ACOT7: variants seen among roughly 807,000 people sequenced by gnomAD.
ACOT7 encodes the protein cytosolic acyl coenzyme A thioester hydrolase.
ACOT7 carries 12 observed loss-of-function variants against 40.2 expected under a neutral mutation model. That is an observed-to-expected ratio of 0.30 (90% CI 0.19 to 0.48). The LOEUF (loss-of-function observed/expected upper bound fraction) is 0.48. ACOT7 is among the 20% of genes least tolerant of loss of function. The pLI is 0.99. For synonymous variants in ACOT7, 228 were observed against 219.5 expected, an observed-to-expected ratio of 1.04 and a Z score of -0.34; for missense variants, 395 against 530.8, an observed-to-expected ratio of 0.74 and a Z score of 2.51.
At chr1:6,298,053 C>G (rs1350236562) in intron 6 of ACOT7, among the ~76,000 whole-genome samples, 1 of 152,172 alleles carries the variant, frequency 6.6e-6, no homozygotes, top group African/African-American at 2.4e-5. Context: ...GCCAGGTTCA[C>G]GCTCGCTGCA....
chr1:6,322,047 A>AGCAGGCATCCCCTCCCTTGG (rs1640660022), intron 5 of ACOT7, among the ~76,000 whole-genome samples: 1 of 152,122 alleles, frequency 6.6e-6, no homozygotes. Flanking sequence ...CAGGTGGGAG[A>AGCAGGCATCCCCTCCCTTGG]GCAGGCATCC....
intron 5 of ACOT7, among the ~76,000 whole-genome samples, chr1:6,325,835 C>A (rs927988764): frequency 6.6e-6 from 1 of 152,152 alleles, no homozygotes; most frequent in Non-Finnish European, 1.5e-5. Context: ...GGGAGGTGAG[C>A]GGCCATAACA....
At position 6,371,026 on chromosome 1, in the gene ACOT7, G is replaced by C. The variant is rs555843868; in HGVS notation, c.144-21160C>G. Among the ~76,000 whole-genome samples the C allele has an allele frequency of 8.6e-5, 13 of 151,906 alleles. 1 individual carries two copies. Among genetic ancestry groups the C allele is most frequent in the Admixed American group, 8.5e-4 (13 of 15,250 alleles). ...GGGTTTCGCCATCTTGGCCAGGCTGGTCTTGAACTCCTGACCTCGTGATCC... is the reference window on the plus strand; with the variant it reads ...GGGTTTCGCCATCTTGGCCAGGCTGCTCTTGAACTCCTGACCTCGTGATCC... On this transcript the variant is annotated intron_variant, in intron 1 of 8. Coordinates refer to ENST00000361521, the MANE Select transcript of ACOT7 (RefSeq NM_007274.4).
chr1:6,295,169 A>T (rs2148396027), intron 6 of ACOT7, 189 bp from the exon 7 acceptor site: 266 of 390,550 alleles, frequency 6.8e-4, no homozygotes, highest in East Asian at 1.1e-3. Context: ...TCCTCAGGAG[A>T]TTTTGAAAAA....
At chr1:6,374,809 G>C (rs570774834) in intron 1 of ACOT7, among the ~76,000 whole-genome samples, 1 of 152,198 alleles carries the variant, frequency 6.6e-6, no homozygotes, top group Non-Finnish European at 1.5e-5. Context: ...GCATCAGTGA[G>C]CCCCTAGGTC....
At chr1:6,269,395 C>T (rs1638955612) in intron 8 of ACOT7, among the ~76,000 whole-genome samples, 1 of 152,212 alleles carries the variant, frequency 6.6e-6, no homozygotes. Context: ...GCTTGGCCTC[C>T]CCCAGGCGGG....
intron 5 of ACOT7, among the ~76,000 whole-genome samples, chr1:6,321,383 T>TC (rs1329293323): frequency 6.6e-6 from 1 of 152,192 alleles, no homozygotes; most frequent in Non-Finnish European, 1.5e-5. Context: ...CAACGTTCTT[T>TC]CCAAGTGTCA....
At chr1:6,331,113 C>A (rs139615292) in intron 4 of ACOT7, among the ~76,000 whole-genome samples, 221 of 152,314 alleles carry the variant, frequency 1.5e-3, no homozygotes, top group African/African-American at 5.0e-3. Context: ...ATGACCACAA[C>A]TTCCATCTCA....
intron 4 of ACOT7, among the ~76,000 whole-genome samples, chr1:6,328,852 G>A (rs577629992): frequency 1.2e-4 from 18 of 150,456 alleles, no homozygotes; most frequent in African/African-American, 4.4e-4. Context: ...TGGGACCCTC[G>A]GAGGGGCCCT....
chr1:6,386,183 C>T (rs1571358472), intron 1 of ACOT7, among the ~76,000 whole-genome samples: 1 of 152,220 alleles, frequency 6.6e-6, no homozygotes, highest in Admixed American at 6.5e-5. Context: ...CCGCACAACA[C>T]GGCAGGTGCC....
chr1:6,301,976 A>G lies in ACOT7; in HGVS notation c.713-6996T>C, dbSNP rs1639986095. On this transcript the variant is annotated intron_variant, in intron 6 of 8. Coordinates refer to ENST00000361521, the MANE Select transcript of ACOT7 (RefSeq NM_007274.4). This position sits in a 1 kb window ranked among gnomAD's most constrained non-coding sequence, Gnocchi z 4.1. ...TGCTATGAAACAACAACTTTATACT[A>G]ACGATGGAAAAGGCCAAGACTGGTG... is the stretch of plus-strand genomic sequence containing the variant. Among the ~76,000 whole-genome samples the G allele has an allele frequency of 6.6e-6, 1 of 152,160 alleles. No homozygotes were observed. The highest frequency in any genetic ancestry group is 1.5e-5 in the Non-Finnish European group (1 of 68,010).
chr1:6,390,125 C>T (rs538533779), intron 1 of ACOT7, among the ~76,000 whole-genome samples: 1 of 152,198 alleles, frequency 6.6e-6, no homozygotes, highest in African/African-American at 2.4e-5. Flanking sequence ...GATGGAACCA[C>T]AGCCTTCTCT....
At chr1:6,379,978 A>T (rs116072428) in intron 1 of ACOT7, among the ~76,000 whole-genome samples, 1,718 of 151,952 alleles carry the variant, frequency 0.011, 35 homozygotes, top group African/African-American at 0.039. Context: ...AGGCAGGGGA[A>T]TCACTTGAAC....
chr1:6,328,688 T>A (rs1228460628), intron 4 of ACOT7, among the ~76,000 whole-genome samples: 11 of 151,976 alleles, frequency 7.2e-5, no homozygotes, highest in South Asian at 2.1e-4. Flanking sequence ...TCTAAAAAAA[T>A]AAATAAATAA....
Position 6,355,839 on chromosome 1 carries a change from G to C in ACOT7, c.144-5973C>G, listed in dbSNP as rs1037696621. 8.5e-5 allele frequency among the ~76,000 whole-genome samples: 13 copies of C among 152,130 alleles called. No individual in the cohort carries two copies. Among genetic ancestry groups the C allele is most frequent in the African/African-American group, 3.1e-4 (13 of 41,418 alleles). On this transcript the variant is annotated intron_variant, in intron 1 of 8. Coordinates refer to ENST00000361521, the MANE Select transcript of ACOT7 (RefSeq NM_007274.4). The surrounding 1 kb of genome is among the most constrained non-coding windows in gnomAD (Gnocchi z 5.0). ...ACAGCCCGAGCCTGTTCCGCAGCGG[G>C]AGTGAGGCGCCTGGAACAATTGAGG... is the stretch of plus-strand genomic sequence containing the variant.
chr1:6,332,004 G>A (rs1052886451), intron 4 of ACOT7, among the ~76,000 whole-genome samples: 5 of 152,204 alleles, frequency 3.3e-5, no homozygotes, highest in African/African-American at 1.2e-4. Flanking sequence ...GGAAGATGGA[G>A]AGCCAGGCCT....
chr1:6,287,454 A>G (rs1639535872), intron 7 of ACOT7, among the ~76,000 whole-genome samples: 1 of 152,268 alleles, frequency 6.6e-6, no homozygotes, highest in South Asian at 2.1e-4. Flanking sequence ...TCCCTGTCTC[A>G]CTGGGCTGTG....
At position 6,282,635 on chromosome 1, in the gene ACOT7, G is replaced by C. The variant is rs1035966298; in HGVS notation, c.830-1349C>G. 1.4e-5 allele frequency: 15 copies of C among 1,076,534 alleles called. No homozygotes were observed. In the African/African-American group the frequency reaches 2.3e-4, roughly 16 times the overall value. The allele number at this position is 1,076,534 out of a possible 1,614,324, so 66.7% of individuals were successfully genotyped here. On this transcript the variant is annotated intron_variant, in intron 7 of 8. Transcript: ENST00000361521. The surrounding 1 kb of genome is among the most constrained non-coding windows in gnomAD (Gnocchi z 4.5). ...GAAAGCGGCCAGGTGGTGGCTGTTG[G>C]AGGGCGGTTAGCAGGCCAGAGGCAA...
chr1:6,376,727 C>CAAAAA (rs74829338), intron 1 of ACOT7, among the ~76,000 whole-genome samples: 1 of 94,666 alleles, frequency 1.1e-5, no homozygotes, highest in South Asian at 3.4e-4. Flanking sequence ...AACTCCATCC[C>CAAAAA]AAAAAAAAAA....
Sources: gnomAD v4.1 joint callset for allele counts (sites outside exome capture counted in the v4.1 genomes callset) on GRCh38, gnomAD v4.1.1 for gene constraint, Gnocchi (gnomAD v3.1) non-coding constraint, MANE v1.5 for transcripts, NCBI Gene and HGNC (gene_info 2026-07-23, HGNC 2026-07-21) for gene names.